GAS7: variants seen among roughly 807,000 people sequenced by gnomAD.
The protein encoded by GAS7 is growth arrest specific 7.
GAS7 carries 28 observed loss-of-function variants against 71.1 expected under a neutral mutation model. That is an observed-to-expected ratio of 0.39 (90% confidence interval 0.29 to 0.54). The LOEUF (loss-of-function observed/expected upper bound fraction) is 0.54, where lower values mean the gene tolerates loss of function less well. Among genes scored for constraint, GAS7 ranks in the 20% least tolerant of loss-of-function variants. GAS7 has a pLI of 0.62. For missense variants in GAS7, 436 were observed against 627.8 expected (o/e 0.69, Z 3.27); for synonymous variants, 258 against 245.8 (o/e 1.05, Z -0.46).
intron 1 of GAS7, among the ~76,000 whole-genome samples, chr17:10,058,370 G>A (rs544773283): frequency 1.1e-4 from 17 of 151,920 alleles, no homozygotes; most frequent in Admixed American, 2.0e-4. Flanking sequence ...AGAGAATGGC[G>A]TGAACCCAGA....
intron 2 of GAS7, among the ~76,000 whole-genome samples, chr17:10,005,241 GCA>G (rs1567880596): frequency 4.7e-5 from 7 of 148,272 alleles, no homozygotes; most frequent in African/African-American, 1.8e-4. Flanking sequence ...GTATGTGCGC[GCA>G]TGCATGTGTG....
rs539583865 is a variant in GAS7 at position 9,949,736 on chromosome 17, G to A, written c.526-2753C>T. Among the ~76,000 whole-genome samples the A allele has an allele frequency of 5.2e-4, 79 of 152,150 alleles. No homozygotes were observed. In the South Asian group the frequency reaches 0.015, roughly 28 times the overall value. ...ACAGGGCTGCACCAAATTCTGCCAAGGATAATCCCTTCTTCTCTTTCTCCT... is the reference window on the plus strand; with the variant it reads ...ACAGGGCTGCACCAAATTCTGCCAAAGATAATCCCTTCTTCTCTTTCTCCT... On this transcript the variant is annotated intron_variant, in intron 5 of 13. Transcript: ENST00000432992.
Position 9,926,502 on chromosome 17 carries a change from G to T in GAS7, c.1014+139C>A. On this transcript the variant is annotated intron_variant, in intron 10 of 13. Transcript: ENST00000432992. This position sits in a 1 kb window ranked among gnomAD's most constrained non-coding sequence, Gnocchi z 5.0. ...TGGGGTGCTCTGGCGTAGGCACGAG[G>T]CTTGGACATCCCCCTATTCCCCTAC... The T allele has an allele frequency of 2.2e-6, 2 of 894,834 alleles. No homozygotes were observed. Among genetic ancestry groups the T allele is most frequent in the Non-Finnish European group, 3.5e-6 (2 of 578,490 alleles). The allele number at this position is 894,834 out of a possible 1,614,324, so 55.4% of individuals were successfully genotyped here.
At chr17:9,933,384 A>C (rs1188654266) in intron 9 of GAS7, among the ~76,000 whole-genome samples, 2 of 152,180 alleles carry the variant, frequency 1.3e-5, no homozygotes, top group African/African-American at 2.4e-5. Context: ...TTCGTCACTC[A>C]GGGGCTGCCC....
intron 1 of GAS7, among the ~76,000 whole-genome samples, chr17:10,074,648 G>A (rs2073372884): frequency 6.6e-6 from 1 of 152,200 alleles, no homozygotes; most frequent in African/African-American, 2.4e-5. Flanking sequence ...TGATTCGGCA[G>A]TCTAAAACCT....
At position 10,103,749 on chromosome 17, in the gene GAS7, C is replaced by G. The variant is rs528917758; in HGVS notation, c.184-83852G>C. Reference sequence around the variant, plus strand: ...GCTGAGGCAGGAGAACTGCTTGAACCTGGGAGGCAGAGGTTGCAGTGAGCC... The same window carrying G: ...GCTGAGGCAGGAGAACTGCTTGAACGTGGGAGGCAGAGGTTGCAGTGAGCC... On this transcript the variant is annotated intron_variant, in intron 1 of 13. Transcript: ENST00000432992. The surrounding 1 kb of genome is among the most constrained non-coding windows in gnomAD (Gnocchi z 5.5). 6.6e-6 allele frequency among the ~76,000 whole-genome samples: 1 copy of G among 151,924 alleles called. No homozygotes were observed. Among genetic ancestry groups the G allele is most frequent in the East Asian group, 1.9e-4 (1 of 5,150 alleles).
chr17:10,097,607 T>C (rs1422374034), intron 1 of GAS7, among the ~76,000 whole-genome samples: 1 of 152,162 alleles, frequency 6.6e-6, no homozygotes, highest in Non-Finnish European at 1.5e-5. Context: ...TTCACATTTT[T>C]ACAAACTCAG....
chr17:10,129,698 C>T (rs1403366352), intron 1 of GAS7, among the ~76,000 whole-genome samples: 1 of 152,058 alleles, frequency 6.6e-6, no homozygotes, highest in African/African-American at 2.4e-5. Flanking sequence ...TTCCAAAGGA[C>T]ATCATTAAGA....
intron 1 of GAS7, among the ~76,000 whole-genome samples, chr17:10,173,300 G>A (rs1567619944): frequency 6.6e-6 from 1 of 152,090 alleles, no homozygotes; most frequent in African/African-American, 2.4e-5. Flanking sequence ...AAATGCCACT[G>A]AACATTAAAA....
chr17:10,128,459 CCA>C (rs34959132), intron 1 of GAS7, among the ~76,000 whole-genome samples: 31,786 of 152,002 alleles, frequency 0.21, 4,119 homozygotes, highest in Admixed American at 0.3. Flanking sequence ...GAGTATCAAT[CCA>C]CAGATCATTG....
rs1253910320 is a variant in GAS7, at chr17:9,915,394, T to G, written c.*1834A>C. The G allele has an allele frequency of 4.3e-6, 1 of 230,824 alleles. No homozygotes were observed. Among genetic ancestry groups the G allele is most frequent in the East Asian group, 6.2e-5 (1 of 16,238 alleles). The allele number at this position is 230,824 out of a possible 1,614,324, so 14.3% of individuals were successfully genotyped here. ...AAACCAAGAAATAATATTCTAAAAT[T>G]GGTAGCTGGTGTCATGACCCAACCC... On this transcript the variant is annotated 3_prime_UTR_variant, in exon 14 of 14. Transcript: ENST00000432992.
intron 9 of GAS7, among the ~76,000 whole-genome samples, chr17:9,927,783 A>C (rs1161026621): frequency 6.6e-6 from 1 of 152,172 alleles, no homozygotes; most frequent in Non-Finnish European, 1.5e-5. Flanking sequence ...TACAAAGGTG[A>C]GCTAGACAGG....
chr17:9,998,342 C>T (rs886938122), intron 2 of GAS7, among the ~76,000 whole-genome samples: 1 of 152,242 alleles, frequency 6.6e-6, no homozygotes, highest in Non-Finnish European at 1.5e-5. Context: ...ATGCTATGGG[C>T]GTGACTACTT....
At chr17:10,013,941 C>T (rs2071889344) in intron 2 of GAS7, among the ~76,000 whole-genome samples, 1 of 152,160 alleles carries the variant, frequency 6.6e-6, no homozygotes, top group Admixed American at 6.5e-5. Flanking sequence ...AAACACAAAT[C>T]CTGGGCCACC....
At chr17:10,143,327 G>A (rs2074098158) in intron 1 of GAS7, among the ~76,000 whole-genome samples, 1 of 151,880 alleles carries the variant, frequency 6.6e-6, no homozygotes, top group South Asian at 2.1e-4. Flanking sequence ...GATCACCTGA[G>A]GTCAGGAGTT....
At chr17:10,049,763 G>C (rs1232592358) in intron 1 of GAS7, among the ~76,000 whole-genome samples, 1 of 151,576 alleles carries the variant, frequency 6.6e-6, no homozygotes, top group African/African-American at 2.4e-5. Context: ...TGGGACTACA[G>C]GTGCCTGCCA....
Position 10,034,510 on chromosome 17 carries a change from C to T in GAS7, c.184-14613G>A, listed in dbSNP as rs1208363080. The stretch of plus-strand genomic sequence containing the variant: ...TTTTAGTAGACACGGGGTTTCACCA[C>T]GTTGACCAGGCTGGCCTTGAACTCC... On this transcript the variant is annotated intron_variant, in intron 1 of 13. Transcript: ENST00000432992. This position sits in a 1 kb window ranked among gnomAD's most constrained non-coding sequence, Gnocchi z 4.4. Among the ~76,000 whole-genome samples, 3 of 151,990 alleles carry T rather than the reference C, an allele frequency of 2.0e-5. No individual in the cohort carries two copies. The highest frequency in any genetic ancestry group is 6.6e-5 in the Admixed American group (1 of 15,258).
intron 1 of GAS7, among the ~76,000 whole-genome samples, chr17:10,051,836 G>A (rs2073066571): frequency 2.0e-5 from 3 of 152,058 alleles, no homozygotes; most frequent in Admixed American, 1.3e-4. Flanking sequence ...ATAACAGGCA[G>A]GAAAAACGGG....
Position 9,926,055 on chromosome 17 carries a change from C to G in GAS7, c.1015-456G>C, listed in dbSNP as rs2067988954. On this transcript the variant is annotated intron_variant, in intron 10 of 13. Coordinates refer to ENST00000432992, the MANE Select transcript of GAS7 (RefSeq NM_201433.2). The surrounding 1 kb of genome is among the most constrained non-coding windows in gnomAD (Gnocchi z 5.0). ...CTGTACTGCCTTTCCTCCAGGCCAC[C>G]ACTGGCATCTCTGTGGTCCTTGGGT... Among the ~76,000 whole-genome samples the G allele has an allele frequency of 6.6e-6, 1 of 152,098 alleles. No homozygotes were observed. The highest frequency in any genetic ancestry group is 1.5e-5 in the Non-Finnish European group (1 of 68,020).
Sources: gnomAD v4.1 joint callset for allele counts (sites outside exome capture counted in the v4.1 genomes callset) on GRCh38, gnomAD v4.1.1 for gene constraint, Gnocchi (gnomAD v3.1) non-coding constraint, MANE v1.5 for transcripts, NCBI Gene and HGNC (gene_info 2026-07-23, HGNC 2026-07-21) for gene names.